Variants in ACSBG2 observed in about 807,000 individuals in gnomAD.
ACSBG2 encodes the protein acyl-CoA synthetase bubblegum family member 2, also known as long-chain-fatty-acid--CoA ligase ACSBG2.
Under a neutral mutation model 74.7 loss-of-function variants are expected in ACSBG2, and 62 were observed. The ratio of observed to expected loss-of-function variants is 0.83; its 90% confidence interval spans 0.68 to 1.03. The LOEUF is 1.03. ACSBG2 is among the 50% of genes least tolerant of loss of function. The pLI is 0.00. For synonymous variants in ACSBG2, 309 were observed against 294.1 expected, an observed-to-expected ratio of 1.05 and a Z score of -0.52; for missense variants, 730 against 817.6, an observed-to-expected ratio of 0.89 and a Z score of 1.31.
In ACSBG2 at chr19:6,162,111, C is replaced by T. The variant is rs142724932; in HGVS notation, c.588+816C>T. Reference sequence around the variant, plus strand: ...TGAAACACCGTCTCTACTAAAAATACAAAAATTAGCTGGGCATGGTGGTAC... The same window carrying T: ...TGAAACACCGTCTCTACTAAAAATATAAAAATTAGCTGGGCATGGTGGTAC... On this transcript the variant is annotated intron_variant, in intron 6 of 14. Transcript: ENST00000588485. 8.1e-3 allele frequency among the ~76,000 whole-genome samples: 1,231 copies of T among 151,790 alleles called. 9 individuals carry two copies. The highest frequency in any genetic ancestry group is 0.012 in the East Asian group (60 of 5,176).
intron 6 of ACSBG2, among the ~76,000 whole-genome samples, chr19:6,162,101 A>G (rs1053307992): frequency 6.6e-6 from 1 of 152,008 alleles, no homozygotes; most frequent in African/African-American, 2.4e-5. Flanking sequence ...CACCGTCTCT[A>G]CTAAAAATAC....
chr19:6,183,682 G>A (rs1402768433), intron 10 of ACSBG2, among the ~76,000 whole-genome samples: 1 of 152,138 alleles, frequency 6.6e-6, no homozygotes, highest in Non-Finnish European at 1.5e-5. Context: ...ATACCAAATT[G>A]AGGTTCAACT....
intron 5 of ACSBG2, among the ~76,000 whole-genome samples, chr19:6,158,996 C>T (rs932798384): frequency 6.6e-6 from 1 of 151,188 alleles, no homozygotes; most frequent in Non-Finnish European, 1.5e-5. Context: ...CTCACTTTGT[C>T]GTCCAGTCTG....
At chr19:6,177,140 G>C (rs574254229) in intron 7 of ACSBG2, 89 bp from the exon 8 acceptor site, 1 of 1,420,714 alleles carries the variant, frequency 7.0e-7, no homozygotes, top group African/African-American at 1.4e-5. Flanking sequence ...CAGTCTGGGT[G>C]AGCCCTGTCT....
intron 7 of ACSBG2, among the ~76,000 whole-genome samples, chr19:6,177,008 A>T (rs1040543742): frequency 6.6e-6 from 1 of 151,904 alleles, no homozygotes; most frequent in African/African-American, 2.4e-5. Flanking sequence ...AAGTTAAAAA[A>T]AAATTAGCTG....
Position 6,177,385 on chromosome 19 carries a change from G to A in ACSBG2, c.895G>A (p.Asp299Asn). 6.3e-7 allele frequency: 1 copy of A among 1,599,996 alleles called. No individual in the cohort carries two copies. The highest frequency in any genetic ancestry group is 8.5e-7 in the Non-Finnish European group (1 of 1,173,460). The change falls in exon 8 of 15, where the codon GAT becomes AAT. Residue 299 changes from aspartate to asparagine, a missense_variant. Coordinates refer to ENST00000588485, the MANE Select transcript of ACSBG2 (RefSeq NM_030924.5). Reference sequence around the variant, plus strand: ...GGCGCTCACATACTTTGCTCAAGCAGATGCTCTCAAGGTAAGATTGAGTAA... The same window carrying A: ...GGCGCTCACATACTTTGCTCAAGCAAATGCTCTCAAGGTAAGATTGAGTAA... ...IGALTYFAQA[D>N]ALKGTLVSTL...
chr19:6,187,332 G>C lies in ACSBG2; in HGVS notation c.1590G>C (p.Glu530Asp). ...GGENVPPIPVETLVKKKIPII... is the reference protein window; with the variant it reads ...GGENVPPIPVDTLVKKKIPII... The stretch of plus-strand genomic sequence containing the variant: ...AAAATGTGCCCCCCATTCCTGTTGA[G>C]ACCTTGGTTAAGAAGAAGATCCCCA... The change falls in exon 12 of 15, where the codon GAG (glutamate) becomes GAC (aspartate). Residue 530 changes from glutamate to aspartate, a missense_variant. Glu to Asp is a conservative substitution (Grantham distance 45). Transcript: ENST00000588485. The C allele has an allele frequency of 6.2e-7, 1 of 1,614,136 alleles. No individual in the cohort carries two copies. The highest frequency in any genetic ancestry group is 1.1e-5 in the South Asian group (1 of 91,068).
At chr19:6,136,671 G>A (rs769075417) in intron 1 of ACSBG2, among the ~76,000 whole-genome samples, 1 of 152,124 alleles carries the variant, frequency 6.6e-6, no homozygotes, top group Non-Finnish European at 1.5e-5. Context: ...ACCCTACATG[G>A]CCTTTTAAAA....
At chr19:6,183,394 C>A in intron 10 of ACSBG2, 122 bp downstream of exon 10, 1 of 817,668 alleles carries the variant, frequency 1.2e-6, no homozygotes, top group African/African-American at 1.7e-5. Context: ...CAGAATGATC[C>A]TGTTCTCCAG....
intron 2 of ACSBG2, among the ~76,000 whole-genome samples, chr19:6,145,337 G>A (rs1366911368): frequency 6.6e-6 from 1 of 151,684 alleles, no homozygotes; most frequent in Non-Finnish European, 1.5e-5. Flanking sequence ...TGGAGGTTGC[G>A]GTGAGCTCGC....
At chr19:6,163,799 A>C in intron 6 of ACSBG2, among the ~76,000 whole-genome samples, 1 of 146,672 alleles carries the variant, frequency 6.8e-6, no homozygotes, top group East Asian at 2.0e-4. Context: ...AAAAAAAAAA[A>C]AACAGCCAGG....
At chr19:6,172,131 T>C (rs2145180250) in intron 7 of ACSBG2, among the ~76,000 whole-genome samples, 1 of 152,330 alleles carries the variant, frequency 6.6e-6, no homozygotes, top group East Asian at 1.9e-4. Flanking sequence ...CAACTTTCTC[T>C]TGGATCTCAT....
chr19:6,147,030 G>T (rs554785883), intron 2 of ACSBG2, among the ~76,000 whole-genome samples: 2 of 152,126 alleles, frequency 1.3e-5, no homozygotes, highest in Admixed American at 1.3e-4. Flanking sequence ...GAGCCTAGGA[G>T]GTCAAGGTTG....
intron 7 of ACSBG2, among the ~76,000 whole-genome samples, chr19:6,167,906 T>C (rs1345997204): frequency 1.3e-5 from 2 of 152,156 alleles, no homozygotes; most frequent in African/African-American, 4.8e-5. Context: ...GTCTCCATCA[T>C]CGCTCCCCTG....
rs1194946671 is a variant in ACSBG2, at chr19:6,181,173, G to A, written c.907-1578G>A. On this transcript the variant is annotated intron_variant, in intron 8 of 14. Transcript: ENST00000588485. ...TGGGAGGCAAAGGCTGCAGTGAGCC[G>A]AGATGGTACCACTGGACTCCAACCG... 7.6e-5 allele frequency among the ~76,000 whole-genome samples: 11 copies of A among 145,296 alleles called. No individual in the cohort carries two copies. In the East Asian group the frequency reaches 1.6e-3, roughly 21 times the overall value.
At chr19:6,161,374 T>A in intron 6 of ACSBG2, 79 bp downstream of exon 6, 1 of 1,399,068 alleles carries the variant, frequency 7.1e-7, no homozygotes, top group South Asian at 1.2e-5. Context: ...AAGTGGAAGG[T>A]GAGCAGAGGG....
At chr19:6,154,748 G>A (rs1307317568) in intron 4 of ACSBG2, among the ~76,000 whole-genome samples, 4 of 151,960 alleles carry the variant, frequency 2.6e-5, no homozygotes, top group African/African-American at 9.7e-5. Flanking sequence ...CTGACCTCAG[G>A]TAATCCACCT....
At chr19:6,192,217 T>G (rs2090585334) in intron 14 of ACSBG2, among the ~76,000 whole-genome samples, 1 of 152,208 alleles carries the variant, frequency 6.6e-6, no homozygotes. Flanking sequence ...TTTTAAATTT[T>G]TATTTACTTT....
chr19:6,184,635 A>G (rs2090346931), intron 10 of ACSBG2, among the ~76,000 whole-genome samples: 2 of 151,246 alleles, frequency 1.3e-5, no homozygotes, highest in African/African-American at 2.4e-5. Flanking sequence ...AAAAAGACAA[A>G]GAACCCAGAT....
Sources: allele counts gnomAD v4.1 joint callset (sites outside exome capture counted in the v4.1 genomes callset), GRCh38; gene constraint gnomAD v4.1.1; transcripts MANE v1.5; gene names NCBI Gene and HGNC (gene_info 2026-07-23, HGNC 2026-07-21).